NTM: variants seen among roughly 807,000 people sequenced by gnomAD.
NTM encodes IgLON family member 2.
A neutral mutation model predicts 42.1 loss-of-function variants in NTM; 13 were observed. The observed-to-expected ratio is 0.31, with a 90% CI of 0.20 to 0.49. The LOEUF is 0.49. NTM is among the 20% of genes least tolerant of loss of function. The pLI is 0.99. For missense variants in NTM, 373 were observed against 452.8 expected (o/e 0.82, Z 1.60); for synonymous variants, 187 against 179.2 (o/e 1.04, Z -0.35).
At chr11:131,373,240 G>A (rs1317547974) in intron 1 of NTM, among the ~76,000 whole-genome samples, 1 of 152,184 alleles carries the variant, frequency 6.6e-6, no homozygotes, top group South Asian at 2.1e-4. Context: ...CCCAGGTCTT[G>A]CCTGCAATAA....
chr11:131,966,347 C>T (rs2062833813), intron 2 of NTM, among the ~76,000 whole-genome samples: 1 of 152,170 alleles, frequency 6.6e-6, no homozygotes, highest in African/African-American at 2.4e-5. Flanking sequence ...CACTTTCCCT[C>T]ACAGAGCTTA....
Position 131,950,464 on chromosome 11 carries a change from G to A in NTM, c.167+38816G>A, listed in dbSNP as rs145112629. Among the ~76,000 whole-genome samples, 693 of 151,806 alleles carry A rather than the reference G, an allele frequency of 4.6e-3. 6 individuals are homozygous for A. The highest frequency in any genetic ancestry group is 0.014 in the African/African-American group (590 of 41,378). The stretch of plus-strand genomic sequence containing the variant: ...TCACCTATACCCTGGCTTTTCTCTC[G>A]TACACTTTGTTCACTCAGTACTCTC... On this transcript the variant is annotated intron_variant, in intron 2 of 8. Transcript: ENST00000683400.
chr11:131,652,998 A>G (rs2066701809), intron 1 of NTM, among the ~76,000 whole-genome samples: 1 of 152,102 alleles, frequency 6.6e-6, no homozygotes, highest in South Asian at 2.1e-4. Flanking sequence ...CATCTCCATA[A>G]AACCCACCGA....
At chr11:132,109,291 T>G (rs2062842429) in intron 2 of NTM, among the ~76,000 whole-genome samples, 1 of 152,168 alleles carries the variant, frequency 6.6e-6, no homozygotes, top group Non-Finnish European at 1.5e-5. Flanking sequence ...TCTTCCACAA[T>G]CAATGAACTA....
intron 1 of NTM, among the ~76,000 whole-genome samples, chr11:131,433,136 C>T (rs917919898): frequency 2.0e-5 from 3 of 152,070 alleles, no homozygotes; most frequent in East Asian, 3.9e-4. Context: ...GGATTACAGG[C>T]GTGAGCCACT....
chr11:132,117,963 C>T (rs2064136228), intron 2 of NTM, among the ~76,000 whole-genome samples: 1 of 152,226 alleles, frequency 6.6e-6, no homozygotes, highest in South Asian at 2.1e-4. Context: ...TGAAGAAGAA[C>T]TTGGGCTGCC....
At chr11:131,726,298 C>G (rs1264465741) in intron 1 of NTM, among the ~76,000 whole-genome samples, 1 of 152,074 alleles carries the variant, frequency 6.6e-6, no homozygotes, top group Non-Finnish European at 1.5e-5. Flanking sequence ...CAAGGTTTAC[C>G]TCTTCCTATT....
chr11:132,190,652 A>C (rs930202534), intron 3 of NTM, among the ~76,000 whole-genome samples: 1 of 151,338 alleles, frequency 6.6e-6, no homozygotes, highest in Admixed American at 6.6e-5. Flanking sequence ...CAGGAGAATC[A>C]CTTGAACCCA....
At chr11:132,206,309 A>G (rs532888812) in intron 3 of NTM, among the ~76,000 whole-genome samples, 2 of 152,208 alleles carry the variant, frequency 1.3e-5, no homozygotes, top group African/African-American at 2.4e-5. Context: ...ACGCCCTTCC[A>G]TCATCTGGCT....
At chr11:132,310,770 A>G (rs2095256532) in intron 6 of NTM, among the ~76,000 whole-genome samples, 1 of 152,080 alleles carries the variant, frequency 6.6e-6, no homozygotes. Flanking sequence ...AAGAGAAGGG[A>G]CTATTCCCTT....
chr11:131,828,790 C>T (rs2042446490), intron 1 of NTM, among the ~76,000 whole-genome samples: 1 of 152,170 alleles, frequency 6.6e-6, no homozygotes, highest in Non-Finnish European at 1.5e-5. Context: ...AACCTAGTCT[C>T]TATTCTACCT....
intron 2 of NTM, among the ~76,000 whole-genome samples, chr11:132,000,048 C>G (rs1335178988): frequency 6.6e-6 from 1 of 152,108 alleles, no homozygotes; most frequent in East Asian, 1.9e-4. Flanking sequence ...TCAAGGGAAC[C>G]CTGAACCAAA....
intron 1 of NTM, among the ~76,000 whole-genome samples, chr11:131,553,299 A>T (rs531727661): frequency 3.3e-5 from 5 of 152,184 alleles, no homozygotes; most frequent in African/African-American, 1.2e-4. Flanking sequence ...CTTTTGATGT[A>T]GTGTATATTC....
intron 1 of NTM, among the ~76,000 whole-genome samples, chr11:131,483,087 A>G (rs1157134489): frequency 6.6e-6 from 1 of 152,196 alleles, no homozygotes; most frequent in Non-Finnish European, 1.5e-5. Context: ...TTTCCTTTGC[A>G]TGGAAACCCT....
chr11:131,908,000 C>A (rs1192998627), intron 1 of NTM, among the ~76,000 whole-genome samples: 1 of 152,204 alleles, frequency 6.6e-6, no homozygotes, highest in Non-Finnish European at 1.5e-5. Context: ...TCACCACTTT[C>A]TAAACTTCTA....
chr11:131,886,589 G>A (rs188637490), intron 1 of NTM, among the ~76,000 whole-genome samples: 36 of 152,356 alleles, frequency 2.4e-4, no homozygotes, highest in Admixed American at 2.3e-3. Flanking sequence ...TTTGGTGGCT[G>A]CTGTCTTGCT....
rs534589197 is a variant in NTM, at chr11:131,467,139, A to G, written c.82+96251A>G. 1.6e-4 allele frequency among the ~76,000 whole-genome samples: 25 copies of G among 152,350 alleles called. No homozygotes were observed. The East Asian group carries it at 4.8e-3, about 29-fold the overall frequency. On this transcript the variant is annotated intron_variant, in intron 1 of 8. Transcript: ENST00000683400. Reference sequence around the variant, plus strand: ...TATTTACTGTTGGTAAAGGAAAGCTAAGGAAGGGAGAGAGTAGACGAGAAA... The same window carrying G: ...TATTTACTGTTGGTAAAGGAAAGCTGAGGAAGGGAGAGAGTAGACGAGAAA...
intron 1 of NTM, among the ~76,000 whole-genome samples, chr11:131,410,517 CAAAAAAAAAAAAAA>C (rs1161389222): frequency 9.8e-4 from 32 of 32,770 alleles, no homozygotes; most frequent in African/African-American, 3.5e-3. Flanking sequence ...AAACAATAAC[CAAAAAAAAAAAAAA>C]AAAAAAAAAA....
At chr11:131,597,189 C>T (rs936011239) in intron 1 of NTM, among the ~76,000 whole-genome samples, 4 of 152,278 alleles carry the variant, frequency 2.6e-5, no homozygotes, top group African/African-American at 9.6e-5. Context: ...CAAGTTGACA[C>T]TCAGCGTTAA....
Sources: allele counts gnomAD v4.1 joint callset (sites outside exome capture counted in the v4.1 genomes callset), GRCh38; gene constraint gnomAD v4.1.1; transcripts MANE v1.5; gene names NCBI Gene and HGNC (gene_info 2026-07-23, HGNC 2026-07-21).